CD2AP: variants seen among roughly 807,000 people sequenced by gnomAD.
CD2AP encodes CD2-associated protein.
In CD2AP, 46 loss-of-function variants were observed where a neutral mutation model predicts 85.1. The ratio of observed to expected loss-of-function variants is 0.54; its 90% CI spans 0.43 to 0.69. The LOEUF (loss-of-function observed/expected upper bound fraction) is 0.69. Ranked by LOEUF, CD2AP falls within the 30% of genes least tolerant of loss-of-function variation. CD2AP has a pLI of 0.00. For synonymous variants in CD2AP, 255 were observed against 252.9 expected (o/e 1.01, Z -0.08); for missense variants, 769 against 729.5 (o/e 1.05, Z -0.62).
At chr6:47,555,244 A>G (rs1330472081) in intron 5 of CD2AP, among the ~76,000 whole-genome samples, 1 of 152,216 alleles carries the variant, frequency 6.6e-6, no homozygotes, top group Non-Finnish European at 1.5e-5. Context: ...TCACCCACAA[A>G]TTCTTCTTAA....
At chr6:47,612,766 GCATGTTCCCACT>G (rs1769483024) in intron 17 of CD2AP, among the ~76,000 whole-genome samples, 2 of 152,104 alleles carry the variant, frequency 1.3e-5, no homozygotes, top group South Asian at 4.2e-4. Context: ...AAGAGAAACT[GCATGTTCCCACT>G]TATTTGTGGG....
At chr6:47,577,172 T>C in intron 8 of CD2AP, 69 bp downstream of exon 8, 1 of 851,004 alleles carries the variant, frequency 1.2e-6, no homozygotes, top group Non-Finnish European at 2.0e-6. Flanking sequence ...AAGTTATACA[T>C]TCACCCTAGA....
In CD2AP at chr6:47,579,567, CATT is replaced by C. The variant is rs1768415169; in HGVS notation, c.1008+85_1008+87del. 4.5e-6 allele frequency: 4 copies of C among 890,582 alleles called. No individual in the cohort carries two copies. In the Admixed American group the frequency reaches 7.6e-5, roughly 17 times the overall value. The allele number at this position is 890,582 out of a possible 1,614,324, so 55.2% of individuals were successfully genotyped here. A position where few individuals can be genotyped will look rare whatever the true frequency, so the allele number is the denominator to read the frequency against. On this transcript the variant is annotated intron_variant, in intron 9 of 17. Transcript: ENST00000359314. ...ATTCTTTTGCAAACAAGTTTTTTTG[CATT>C]ATTATTGAATAATTTTTATGAAGGA...
chr6:47,612,591 T>C (rs1769474597), intron 17 of CD2AP, 55 bp downstream of exon 17: 2 of 1,265,530 alleles, frequency 1.6e-6, no homozygotes, highest in East Asian at 4.8e-5. Flanking sequence ...GGACATGTTT[T>C]TCCCAACCCA....
intron 1 of CD2AP, among the ~76,000 whole-genome samples, chr6:47,500,571 G>A (rs1261561647): frequency 6.6e-6 from 1 of 152,164 alleles, no homozygotes; most frequent in Non-Finnish European, 1.5e-5. Flanking sequence ...TATAGTTAAA[G>A]GTGGTTAATC....
chr6:47,572,961 T>C (rs1768195773), intron 5 of CD2AP, among the ~76,000 whole-genome samples: 1 of 152,216 alleles, frequency 6.6e-6, no homozygotes, highest in African/African-American at 2.4e-5. Context: ...TGTTACCACA[T>C]ATTTTTCCTT....
At chr6:47,546,409 A>G (rs982928514) in intron 4 of CD2AP, among the ~76,000 whole-genome samples, 2 of 152,280 alleles carry the variant, frequency 1.3e-5, no homozygotes, top group African/African-American at 2.4e-5. Context: ...GAGAAATCTA[A>G]AAGTTTAAAA....
At chr6:47,558,961 T>A (rs926147080) in intron 5 of CD2AP, among the ~76,000 whole-genome samples, 2 of 152,216 alleles carry the variant, frequency 1.3e-5, no homozygotes, top group Non-Finnish European at 2.9e-5. Context: ...GCTGAGCTTT[T>A]TTTTGGTTGG....
chr6:47,509,287 C>G (rs550406446), intron 2 of CD2AP, among the ~76,000 whole-genome samples: 1 of 152,200 alleles, frequency 6.6e-6, no homozygotes, highest in South Asian at 2.1e-4. Flanking sequence ...GATCACTAAT[C>G]ACAGATCACC....
At chr6:47,479,093 C>A (rs747990674) in intron 1 of CD2AP, among the ~76,000 whole-genome samples, 1 of 152,130 alleles carries the variant, frequency 6.6e-6, no homozygotes, top group Non-Finnish European at 1.5e-5. Flanking sequence ...TAAACTAACT[C>A]CCTCAATCCT....
At chr6:47,515,610 A>G (rs1279233055) in intron 2 of CD2AP, among the ~76,000 whole-genome samples, 2 of 152,196 alleles carry the variant, frequency 1.3e-5, no homozygotes, top group African/African-American at 4.8e-5. Context: ...GAAAAAATGC[A>G]TCTATGGTAT....
At chr6:47,539,052 G>A (rs544607569) in intron 3 of CD2AP, among the ~76,000 whole-genome samples, 1 of 152,210 alleles carries the variant, frequency 6.6e-6, no homozygotes, top group African/African-American at 2.4e-5. Flanking sequence ...ATTGGTCTAG[G>A]CAATTAATTA....
At chr6:47,498,504 T>A (rs936942060) in intron 1 of CD2AP, among the ~76,000 whole-genome samples, 1 of 152,186 alleles carries the variant, frequency 6.6e-6, no homozygotes, top group African/African-American at 2.4e-5. Flanking sequence ...TATTTCATGG[T>A]TAATTCCCCG....
At chr6:47,604,922 A>T (rs973799064) in intron 13 of CD2AP, among the ~76,000 whole-genome samples, 2 of 152,020 alleles carry the variant, frequency 1.3e-5, no homozygotes, top group African/African-American at 2.4e-5. Context: ...TCAGCAAATT[A>T]TTCTAGTTGT....
intron 3 of CD2AP, among the ~76,000 whole-genome samples, chr6:47,540,950 A>G (rs1767197883): frequency 6.6e-6 from 1 of 152,194 alleles, no homozygotes; most frequent in South Asian, 2.1e-4. Context: ...ACAACTTGCA[A>G]AGGTATTTAG....
chr6:47,595,748 G>A (rs1163476201), intron 11 of CD2AP, 113 bp from the exon 12 acceptor site: 1 of 779,970 alleles, frequency 1.3e-6, no homozygotes, highest in Non-Finnish European at 2.2e-6. Flanking sequence ...TACAGAGAAT[G>A]AAAGTTCATG....
intron 1 of CD2AP, among the ~76,000 whole-genome samples, chr6:47,500,241 G>A (rs767564558): frequency 1.1e-4 from 17 of 152,148 alleles, no homozygotes; most frequent in South Asian, 2.1e-4. Flanking sequence ...ATTTTATCTC[G>A]TTGAATTACT....
intron 11 of CD2AP, among the ~76,000 whole-genome samples, chr6:47,594,699 C>T (rs1201977203): frequency 6.6e-6 from 1 of 151,920 alleles, no homozygotes; most frequent in South Asian, 2.1e-4. Flanking sequence ...ATTGTTACAT[C>T]TTGAGGCCAT....
chr6:47,537,651 T>C (rs193172055), intron 3 of CD2AP, among the ~76,000 whole-genome samples: 11 of 152,308 alleles, frequency 7.2e-5, no homozygotes, highest in Non-Finnish European at 1.6e-4. Flanking sequence ...ATTATCTTTT[T>C]CTTCATGATA....
Sources: allele counts gnomAD v4.1 joint callset (sites outside exome capture counted in the v4.1 genomes callset), GRCh38; gene constraint gnomAD v4.1.1; transcripts MANE v1.5; gene names NCBI Gene and HGNC (gene_info 2026-07-23, HGNC 2026-07-21).